The following TEX46 variants were observed in gnomAD, a reference collection of about 807,000 sequenced individuals.
TEX46 encodes testis-expressed protein 46.
TEX46 carries 6 observed loss-of-function variants against 5.3 expected under a neutral mutation model. The ratio of observed to expected loss-of-function variants is 1.13; its 90% CI spans 0.62 to 2.23. The LOEUF is 2.23. Among genes scored for constraint, TEX46 ranks in the 30% most tolerant of loss-of-function variants. The probability of loss-of-function intolerance (pLI) is 0.00; values close to 1 mark genes in which losing one functional copy is unlikely to be tolerated. For synonymous variants in TEX46, 41 were observed against 54.6 expected (o/e 0.75, Z 1.10); for missense variants, 131 against 150.9 (o/e 0.87, Z 0.69).
chr1:23,013,801 C>T (rs1641383832), intron 2 of TEX46, 82 bp downstream of exon 2: 2 of 1,309,530 alleles, frequency 1.5e-6, no homozygotes, highest in South Asian at 2.8e-5. Flanking sequence ...TATTTCGACA[C>T]CTACCCTGTT....
chr1:23,012,633 T>G (rs1641368593), intron 2 of TEX46, among the ~76,000 whole-genome samples: 1 of 152,144 alleles, frequency 6.6e-6, no homozygotes, highest in African/African-American at 2.4e-5. Flanking sequence ...CAGGGGACAT[T>G]TGGCAATATC....
intron 2 of TEX46, chr1:23,011,339 C>A: frequency 2.3e-6 from 1 of 442,354 alleles, no homozygotes; most frequent in Non-Finnish European, 4.0e-6. Flanking sequence ...GCAAGGGGAG[C>A]ATCATTGCCT....
At chr1:23,015,668 A>C (rs2124293905) in intron 1 of TEX46, 104 bp downstream of exon 1, 1 of 647,198 alleles carries the variant, frequency 1.5e-6, no homozygotes, top group East Asian at 2.7e-5. Context: ...TTAAAAAGGA[A>C]GGAAATTCTA....
chr1:23,013,843 C>A, intron 2 of TEX46, 40 bp downstream of exon 2: 1 of 1,525,402 alleles, frequency 6.6e-7, no homozygotes, highest in South Asian at 1.2e-5. Context: ...GCAAATATCC[C>A]CTATCCCTGA....
rs1265896980 is a variant in TEX46 at position 23,010,901 on chromosome 1, T to A, written c.366A>T (p.Ter122TyrextTer1). ...CAGAGGCCAGCCCGCCTCGGCCTCATTAGCTGGGGGAACTCGAAGTACAGT... is the reference window on the plus strand; with the variant it reads ...CAGAGGCCAGCCCGCCTCGGCCTCAATAGCTGGGGGAACTCGAAGTACAGT... Reference protein sequence around the residue: ...LSDCTSSSPS* With the variant: ...LSDCTSSSPSY The change falls in exon 3 of 3, where the codon TAA becomes TAT. Residue 122 changes from the stop codon to tyrosine (Y), a stop_lost. Coordinates refer to ENST00000566855, the MANE Select transcript of TEX46 (RefSeq NM_001242521.2). The A allele has an allele frequency of 2.0e-6, 3 of 1,525,180 alleles. No homozygotes were observed. The highest frequency in any genetic ancestry group is 3.9e-5 in the Admixed American group (2 of 50,854). 94.5% of individuals were successfully genotyped at this position (1,525,180 alleles called of 1,614,324 possible).
intron 1 of TEX46, 166 bp from the exon 2 acceptor site, chr1:23,014,211 T>G: frequency 8.5e-7 from 1 of 1,170,658 alleles, no homozygotes; most frequent in Non-Finnish European, 1.1e-6. Flanking sequence ...TAATAACTCC[T>G]CCTTTGTCTG....
chr1:23,014,115 GC>G (rs2124291553), intron 1 of TEX46, 70 bp from the exon 2 acceptor site: 2 of 1,480,068 alleles, frequency 1.4e-6, no homozygotes, highest in South Asian at 2.7e-5. Context: ...CCTGCCTCAG[GC>G]CCCTCCATGA....
At position 23,013,896 on chromosome 1, in the gene TEX46, G is replaced by T; in HGVS notation, c.152C>A (p.Pro51Gln). The T allele has an allele frequency of 6.5e-7, 1 of 1,535,964 alleles. No homozygotes were observed. Among genetic ancestry groups the T allele is most frequent in the South Asian group, 1.2e-5 (1 of 84,032 alleles). ...TCTTGTGCTCACCTGCTGGGGCTCT[G>T]GGAGGGTGAGCTTGTGTTCATACTT... ...LVKYEHKLTL[P>Q]EPQQDEILQR... The change falls in exon 2 of 3, where the codon CCA becomes CAA. Residue 51 changes from proline to glutamine, a missense_variant. Physicochemically the swap from Pro to Gln is moderately conservative, Grantham distance 76 (BLOSUM62 -1). Coordinates refer to ENST00000566855, the MANE Select transcript of TEX46 (RefSeq NM_001242521.2).
rs191518831 is a variant in TEX46, at chr1:23,015,831, G to A, written c.-58C>T. The A allele has an allele frequency of 6.9e-4, 471 of 683,024 alleles. No individual in the cohort carries two copies. The highest frequency in any genetic ancestry group is 1.2e-3 in the Non-Finnish European group (438 of 377,700). The allele number at this position is 683,024 out of a possible 1,614,324, so 42.3% of individuals were successfully genotyped here. A position where few individuals can be genotyped will look rare whatever the true frequency, so the allele number is the denominator to read the frequency against. On this transcript the variant is annotated 5_prime_UTR_variant, in exon 1 of 3. Transcript: ENST00000566855. ...AAAGAGTAGAATGGTGGCTGCCAGG[G>A]TCTGGAAGGAGGGGCAAATGTAGTC...
At chr1:23,011,233 A>C (rs1482154348) in intron 2 of TEX46, 132 bp from the exon 3 acceptor site, 2 of 648,850 alleles carry the variant, frequency 3.1e-6, no homozygotes, top group Admixed American at 5.5e-5. Context: ...GAAAAGGGGA[A>C]AGTTGGTTAA....
At chr1:23,011,247 T>A in intron 2 of TEX46, 146 bp from the exon 3 acceptor site, 2 of 619,128 alleles carry the variant, frequency 3.2e-6, no homozygotes, top group Non-Finnish European at 5.7e-6. Context: ...TGGTTAATAA[T>A]GATAATCCCT....
intron 2 of TEX46, among the ~76,000 whole-genome samples, chr1:23,011,709 G>A (rs1306731405): frequency 2.0e-5 from 3 of 152,256 alleles, no homozygotes; most frequent in Non-Finnish European, 4.4e-5. Flanking sequence ...ACAGGCGTGA[G>A]CCACCAGGCC....
At chr1:23,014,510 G>A (rs1286435045) in intron 1 of TEX46, among the ~76,000 whole-genome samples, 1 of 151,996 alleles carries the variant, frequency 6.6e-6, no homozygotes, top group Non-Finnish European at 1.5e-5. Context: ...ATATTGATTA[G>A]GTTTTGGACT....
chr1:23,014,081 G>T, intron 1 of TEX46, 36 bp from the exon 2 acceptor site: 3 of 1,527,690 alleles, frequency 2.0e-6, no homozygotes, highest in Non-Finnish European at 2.6e-6. Context: ...GCATTATGGC[G>T]TGGAGGCACA....
At chr1:23,011,181 G>A in intron 2 of TEX46, 80 bp from the exon 3 acceptor site, 1 of 1,145,374 alleles carries the variant, frequency 8.7e-7, no homozygotes, top group Non-Finnish European at 1.2e-6. Context: ...GTTTTCAGAA[G>A]TCTTTGGTTT....
chr1:23,011,615 G>A lies in TEX46; in HGVS notation c.166-514C>T, dbSNP rs1260556685. The stretch of plus-strand genomic sequence containing the variant: ...GTATTTGTAATTATTAATAGAGGCA[G>A]GGTTTCACCATGTTGACCAGGCTGG... On this transcript the variant is annotated intron_variant, in intron 2 of 2. Transcript: ENST00000566855. Among the ~76,000 whole-genome samples the A allele has an allele frequency of 2.0e-5, 3 of 152,296 alleles. No individual in the cohort carries two copies. In the East Asian group the frequency reaches 5.8e-4, roughly 29 times the overall value.
chr1:23,014,257 G>C (rs1306140874), intron 1 of TEX46: 1 of 478,202 alleles, frequency 2.1e-6, no homozygotes, highest in African/African-American at 2.1e-5. Context: ...TTGACAGGCA[G>C]TTTGAAAGCA....
At position 23,015,220 on chromosome 1, in the gene TEX46, C is replaced by T. The variant is rs377599827; in HGVS notation, c.2+552G>A. Among the ~76,000 whole-genome samples, 6 of 145,268 alleles carry T rather than the reference C, an allele frequency of 4.1e-5. No individual in the cohort carries two copies. The South Asian group carries it at 7.5e-4, about 18-fold the overall frequency. On this transcript the variant is annotated intron_variant, in intron 1 of 2. Transcript: ENST00000566855. ...ATCCCAGCACTTTGGGAGGCTGAGG[C>T]GGGTGGACCACCCCAGACCAGACTG...
intron 2 of TEX46, among the ~76,000 whole-genome samples, chr1:23,013,181 TTTTTG>T (rs1180908007): frequency 6.8e-6 from 1 of 146,840 alleles, no homozygotes; most frequent in Non-Finnish European, 1.5e-5. Flanking sequence ...TTGCTTTTTA[TTTTTG>T]TTTTTAGATG....
Sources: gnomAD v4.1 joint callset for allele counts (sites outside exome capture counted in the v4.1 genomes callset) on GRCh38, gnomAD v4.1.1 for gene constraint, MANE v1.5 for transcripts, NCBI Gene and HGNC (gene_info 2026-07-23, HGNC 2026-07-21) for gene names.